CDH4: variants seen among roughly 807,000 people sequenced by gnomAD.
The protein encoded by CDH4 is cadherin 4, also known as cadherin-4.
Under a neutral mutation model 86.0 loss-of-function variants are expected in CDH4, and 33 were observed. The observed-to-expected ratio is 0.38, with a 90% CI of 0.29 to 0.51. CDH4 has a LOEUF of 0.51. CDH4 is among the 20% of genes least tolerant of loss of function. The pLI is 0.86. For missense variants in CDH4, 1,114 were observed against 1,307.4 expected (o/e 0.85, Z 2.28); for synonymous variants, 555 against 549.4 (o/e 1.01, Z -0.14).
At chr20:61,661,558 G>A (rs2087258112) in intron 2 of CDH4, among the ~76,000 whole-genome samples, 1 of 151,072 alleles carries the variant, frequency 6.6e-6, no homozygotes, top group South Asian at 2.1e-4. Flanking sequence ...TGGAGGAAGG[G>A]CCTACAGTTG....
rs2086438412 is a variant in CDH4, at chr20:61,582,660, C to A, written c.170-160903C>A. Among the ~76,000 whole-genome samples the A allele has an allele frequency of 6.6e-6, 1 of 152,188 alleles. No individual in the cohort carries two copies. Among genetic ancestry groups the A allele is most frequent in the Admixed American group, 6.5e-5 (1 of 15,286 alleles). On this transcript the variant is annotated intron_variant, in intron 2 of 15. Transcript: ENST00000614565. This position sits in a 1 kb window ranked among gnomAD's most constrained non-coding sequence, Gnocchi z 4.2. ...TGGAGCCCAGGCAGTGCTCCCTGCA[C>A]CTGTCAGGAGCCTGTCTTCTGAGGC...
intron 3 of CDH4, among the ~76,000 whole-genome samples, chr20:61,755,351 A>G (rs1018351009): frequency 2.7e-5 from 4 of 145,994 alleles, no homozygotes; most frequent in Admixed American, 6.8e-5. Context: ...CCACACACAT[A>G]GTGCATGCCA....
At chr20:61,906,706 G>T (rs757330399) in intron 8 of CDH4, among the ~76,000 whole-genome samples, 1 of 152,128 alleles carries the variant, frequency 6.6e-6, no homozygotes, top group Non-Finnish European at 1.5e-5. Flanking sequence ...CAGAGGGAAT[G>T]GCCCGGGGCC....
intron 4 of CDH4, among the ~76,000 whole-genome samples, chr20:61,842,400 G>A (rs1982216321): frequency 1.3e-5 from 2 of 152,174 alleles, no homozygotes; most frequent in South Asian, 4.1e-4. Flanking sequence ...CGAGTGGGCT[G>A]CTTTTTCTGT....
At chr20:61,609,460 GTT>G (rs2086668700) in intron 2 of CDH4, among the ~76,000 whole-genome samples, 1 of 152,140 alleles carries the variant, frequency 6.6e-6, no homozygotes. Flanking sequence ...GTGTGTGTGT[GTT>G]TGTTTATAGA....
intron 2 of CDH4, among the ~76,000 whole-genome samples, chr20:61,339,584 T>C (rs1395542614): frequency 6.6e-6 from 1 of 152,142 alleles, no homozygotes; most frequent in African/African-American, 2.4e-5. Context: ...TACATCAGAC[T>C]CTCTCATAAT....
At chr20:61,372,172 A>G (rs1358442068) in intron 2 of CDH4, among the ~76,000 whole-genome samples, 1 of 152,250 alleles carries the variant, frequency 6.6e-6, no homozygotes, top group East Asian at 1.9e-4. Flanking sequence ...TGGATGCCCC[A>G]TCTACCCCTG....
At chr20:61,678,317 G>A (rs1046437155) in intron 2 of CDH4, among the ~76,000 whole-genome samples, 1 of 152,058 alleles carries the variant, frequency 6.6e-6, no homozygotes, top group African/African-American at 2.4e-5. Flanking sequence ...ATGGACGGAT[G>A]GATGGATGGA....
At chr20:61,395,917 A>G (rs1371410752) in intron 2 of CDH4, among the ~76,000 whole-genome samples, 50 of 152,278 alleles carry the variant, frequency 3.3e-4, no homozygotes, top group East Asian at 1.9e-4. Context: ...TCCATATTTC[A>G]TAGTCTTATT....
intron 4 of CDH4, among the ~76,000 whole-genome samples, chr20:61,814,409 A>G (rs1980608546): frequency 6.6e-6 from 1 of 152,212 alleles, no homozygotes; most frequent in Non-Finnish European, 1.5e-5. Flanking sequence ...AGATCTGCCC[A>G]GGAGCTTGGC....
At chr20:61,739,199 G>A (rs1014417596) in intron 2 of CDH4, 3 of 152,480 alleles carry the variant, frequency 2.0e-5, no homozygotes, top group East Asian at 1.9e-4. Context: ...TGCTGGCGCA[G>A]TCTCCTCTGG....
intron 2 of CDH4, among the ~76,000 whole-genome samples, chr20:61,519,611 C>T (rs2085853003): frequency 6.6e-6 from 1 of 152,252 alleles, no homozygotes; most frequent in Non-Finnish European, 1.5e-5. Flanking sequence ...GGGCTCATAG[C>T]ACTGGCCAGG....
At chr20:61,680,112 C>T (rs1003553995) in intron 2 of CDH4, among the ~76,000 whole-genome samples, 8 of 152,310 alleles carry the variant, frequency 5.3e-5, no homozygotes, top group Admixed American at 6.5e-5. Context: ...CATCCTGAAG[C>T]GAGGAACAGA....
intron 4 of CDH4, among the ~76,000 whole-genome samples, chr20:61,827,704 C>T (rs1448741279): frequency 6.6e-6 from 1 of 152,230 alleles, no homozygotes; most frequent in East Asian, 1.9e-4. Flanking sequence ...ATCAGTGCTT[C>T]TTAGAGAAAA....
At chr20:61,884,715 G>A (rs1277365627) in intron 7 of CDH4, among the ~76,000 whole-genome samples, 1 of 152,188 alleles carries the variant, frequency 6.6e-6, no homozygotes, top group Non-Finnish European at 1.5e-5. Context: ...GCTAGTTCCT[G>A]GGTGCCCGGG....
At chr20:61,563,512 A>G (rs2086238360) in intron 2 of CDH4, among the ~76,000 whole-genome samples, 1 of 152,178 alleles carries the variant, frequency 6.6e-6, no homozygotes, top group Non-Finnish European at 1.5e-5. Context: ...CACACTCAGC[A>G]GGGGTGTGCA....
chr20:61,340,191 G>T (rs372669428), intron 2 of CDH4, among the ~76,000 whole-genome samples: 1 of 152,138 alleles, frequency 6.6e-6, no homozygotes, highest in African/African-American at 2.4e-5. Context: ...AGCTAGCAAG[G>T]GAGAGAAAAT....
chr20:61,866,997 C>A (rs1278059143), intron 6 of CDH4, among the ~76,000 whole-genome samples: 1 of 152,180 alleles, frequency 6.6e-6, no homozygotes, highest in Non-Finnish European at 1.5e-5. Context: ...GAGATGATGC[C>A]GACGGCTGGG....
intron 2 of CDH4, among the ~76,000 whole-genome samples, chr20:61,666,377 A>G (rs1440376358): frequency 6.6e-6 from 1 of 152,210 alleles, no homozygotes; most frequent in Non-Finnish European, 1.5e-5. Flanking sequence ...AGCCAGGGCC[A>G]CTGCGTCCCT....
Sources: allele counts gnomAD v4.1 joint callset (sites outside exome capture counted in the v4.1 genomes callset), GRCh38; gene constraint gnomAD v4.1.1; non-coding constraint Gnocchi (gnomAD v3.1); transcripts MANE v1.5; gene names NCBI Gene and HGNC (gene_info 2026-07-23, HGNC 2026-07-21).